Variants in SDK1 observed in about 807,000 individuals in gnomAD.
The protein encoded by SDK1 is sidekick cell adhesion molecule 1.
A neutral mutation model predicts 245.5 loss-of-function variants in SDK1; 157 were observed. That is an observed-to-expected ratio of 0.64 (90% CI 0.56 to 0.73). The LOEUF is 0.73. SDK1 is among the 30% of genes least tolerant of loss of function. SDK1 has a pLI of 0.00. For missense variants in SDK1, 3,583 were observed against 3,002.3 expected (o/e 1.19, Z -4.52); for synonymous variants, 1,647 against 1,278.5 (o/e 1.29, Z -6.15).
chr7:3,560,427 G>GT (rs1046819246), intron 1 of SDK1, among the ~76,000 whole-genome samples: 12 of 150,564 alleles, frequency 8.0e-5, no homozygotes, highest in East Asian at 2.0e-4. Context: ...TGTGTGTTTT[G>GT]TTTTTTTTTA....
rs186100618 is a variant in SDK1, at chr7:3,793,209, G to C, written c.714-28241G>C. Among the ~76,000 whole-genome samples, 287 of 152,168 alleles carry C rather than the reference G, an allele frequency of 1.9e-3. 3 individuals carry two copies. The highest frequency in any genetic ancestry group is 6.2e-3 in the African/African-American group (257 of 41,510). Reference sequence around the variant, plus strand: ...AATATTTTGGTCTGTTTCCGTAAAAGACATTACATTTCTAAATTTGAAGGC... The same window carrying C: ...AATATTTTGGTCTGTTTCCGTAAAACACATTACATTTCTAAATTTGAAGGC... On this transcript the variant is annotated intron_variant, in intron 4 of 44. Transcript: ENST00000404826.
intron 1 of SDK1, among the ~76,000 whole-genome samples, chr7:3,350,861 A>G (rs971440749): frequency 6.6e-6 from 1 of 152,168 alleles, no homozygotes; most frequent in Non-Finnish European, 1.5e-5. Context: ...TCCCCCCATT[A>G]AAAGTAGAAT....
chr7:4,028,769 AT>A (rs1467148682), intron 17 of SDK1, among the ~76,000 whole-genome samples: 1 of 152,060 alleles, frequency 6.6e-6, no homozygotes, highest in Non-Finnish European at 1.5e-5. Flanking sequence ...GATGAATGAG[AT>A]TTTTGTTAAA....
intron 14 of SDK1, among the ~76,000 whole-genome samples, chr7:3,998,418 AG>A (rs1784838195): frequency 6.6e-6 from 1 of 152,250 alleles, no homozygotes; most frequent in Admixed American, 6.5e-5. Context: ...CCCACTTCTT[AG>A]GATTTTTTAA....
At chr7:3,422,174 C>T (rs1031476376) in intron 1 of SDK1, among the ~76,000 whole-genome samples, 5 of 152,098 alleles carry the variant, frequency 3.3e-5, no homozygotes, top group African/African-American at 1.2e-4. Flanking sequence ...AACTTGTTAC[C>T]TTCAAGTGGA....
chr7:4,014,813 C>G (rs933408211), intron 16 of SDK1, among the ~76,000 whole-genome samples: 4 of 152,202 alleles, frequency 2.6e-5, no homozygotes, highest in Admixed American at 1.3e-4. Flanking sequence ...CTGCCCTGCA[C>G]TTCCGTTATT....
chr7:3,991,151 C>T (rs527310464), intron 14 of SDK1, among the ~76,000 whole-genome samples: 11 of 152,284 alleles, frequency 7.2e-5, no homozygotes, highest in African/African-American at 2.6e-4. Flanking sequence ...AGAAAGTCTT[C>T]AAAGAAGATG....
chr7:3,806,630 C>A (rs1201324531), intron 4 of SDK1, among the ~76,000 whole-genome samples: 1 of 151,866 alleles, frequency 6.6e-6, no homozygotes, highest in Admixed American at 6.5e-5. Flanking sequence ...TGTGGCAAAC[C>A]TAAAACGCCT....
rs1376350912 is a variant in SDK1 at position 3,468,850 on chromosome 7, G to T, written c.299-150230G>T. Among the ~76,000 whole-genome samples the T allele has an allele frequency of 2.6e-5, 4 of 152,232 alleles. No homozygotes were observed. The East Asian group carries it at 7.7e-4, about 29-fold the overall frequency. ...CTCTGTGTACACGTTAATAAATTGGGATGCGATTTCTCCTATTCATTGTCC... is the reference window on the plus strand; with the variant it reads ...CTCTGTGTACACGTTAATAAATTGGTATGCGATTTCTCCTATTCATTGTCC... On this transcript the variant is annotated intron_variant, in intron 1 of 44. Transcript: ENST00000404826.
intron 1 of SDK1, among the ~76,000 whole-genome samples, chr7:3,518,884 T>C (rs182400202): frequency 7.9e-5 from 12 of 151,912 alleles, no homozygotes; most frequent in Non-Finnish European, 1.8e-4. Context: ...ATACAAGATA[T>C]GGAAGTAACC....
chr7:4,180,214 C>G (rs1782511127), intron 35 of SDK1, among the ~76,000 whole-genome samples: 1 of 151,292 alleles, frequency 6.6e-6, no homozygotes, highest in Non-Finnish European at 1.5e-5. Context: ...GGCTCCAGCT[C>G]TATGCCCAGC....
chr7:3,352,680 C>T (rs1780691387), intron 1 of SDK1, among the ~76,000 whole-genome samples: 1 of 152,138 alleles, frequency 6.6e-6, no homozygotes, highest in Non-Finnish European at 1.5e-5. Flanking sequence ...TTTACCATTC[C>T]TTCCCATTTC....
intron 4 of SDK1, among the ~76,000 whole-genome samples, chr7:3,680,828 A>ATTAT (rs552614393): frequency 0.032 from 4,893 of 151,964 alleles, 106 homozygotes; most frequent in Middle Eastern, 0.054. Flanking sequence ...TGTATTTCTT[A>ATTAT]TTATTTATTT....
chr7:4,172,877 C>G (rs1781938025), intron 32 of SDK1, among the ~76,000 whole-genome samples: 1 of 152,228 alleles, frequency 6.6e-6, no homozygotes, highest in Admixed American at 6.5e-5. Flanking sequence ...CTCATAATTT[C>G]CCTCCACTCA....
chr7:3,915,096 T>G (rs966380016), intron 5 of SDK1, among the ~76,000 whole-genome samples: 1 of 152,208 alleles, frequency 6.6e-6, no homozygotes, highest in Non-Finnish European at 1.5e-5. Context: ...AGCTTTCAAT[T>G]AGCCCCTAAG....
intron 4 of SDK1, among the ~76,000 whole-genome samples, chr7:3,810,078 C>T (rs528547127): frequency 5.7e-4 from 87 of 152,006 alleles, no homozygotes; most frequent in Non-Finnish European, 9.4e-4. Context: ...GTGTTTTATT[C>T]TCTTGCTATA....
chr7:3,498,016 T>G (rs1467165925), intron 1 of SDK1, among the ~76,000 whole-genome samples: 3 of 152,258 alleles, frequency 2.0e-5, no homozygotes, highest in Admixed American at 6.5e-5. Flanking sequence ...ATCTGGCTTG[T>G]ATCGATTATA....
At chr7:3,849,900 G>C (rs922936104) in intron 5 of SDK1, among the ~76,000 whole-genome samples, 7 of 152,288 alleles carry the variant, frequency 4.6e-5, no homozygotes, top group African/African-American at 1.7e-4. Context: ...GCAGTGCTTG[G>C]CCTCACAATA....
intron 17 of SDK1, among the ~76,000 whole-genome samples, chr7:4,039,980 C>CA (rs757567308): frequency 1.3e-5 from 2 of 152,346 alleles, no homozygotes; most frequent in East Asian, 1.9e-4. Context: ...AGCGCCCCCA[C>CA]ATGCTGAGCA....
Sources: allele counts gnomAD v4.1 joint callset (sites outside exome capture counted in the v4.1 genomes callset), GRCh38; gene constraint gnomAD v4.1.1; transcripts MANE v1.5; gene names NCBI Gene and HGNC (gene_info 2026-07-23, HGNC 2026-07-21).